Variants in MED13L observed in about 807,000 individuals in gnomAD.
MED13L encodes mediator of RNA polymerase II transcription subunit 13-like.
Under a neutral mutation model 220.9 loss-of-function variants are expected in MED13L, and 7 were observed. The ratio of observed to expected loss-of-function variants is 0.03; its 90% CI spans 0.02 to 0.06. MED13L has a LOEUF of 0.06. Among genes scored for constraint, MED13L ranks in the 10% least tolerant of loss-of-function variants. The pLI is 1.00. For synonymous variants in MED13L, 1,011 were observed against 1,015.2 expected (o/e 1.00, Z 0.08); for missense variants, 1,965 against 2,760.5 (o/e 0.71, Z 6.46).
At chr12:116,208,560 T>G (rs1882500245) in intron 2 of MED13L, among the ~76,000 whole-genome samples, 3 of 152,236 alleles carry the variant, frequency 2.0e-5, no homozygotes, top group Admixed American at 1.3e-4. Context: ...CTGAAAACCT[T>G]TCTTCAAATG....
chr12:116,205,169 A>G (rs1057070321), intron 2 of MED13L, among the ~76,000 whole-genome samples: 1 of 152,204 alleles, frequency 6.6e-6, no homozygotes, highest in Non-Finnish European at 1.5e-5. Context: ...AAAGAGAAAG[A>G]GAAGTCAGAT....
In MED13L at chr12:116,057,437, T is replaced by C. The variant is rs142042158; in HGVS notation, c.480-34836A>G. ...TAGAACTAATTAGCTGCATTATGGG[T>C]GGTTCAGTATCCATATGATATCCAC... On this transcript the variant is annotated intron_variant, in intron 4 of 30. Coordinates refer to ENST00000281928, the MANE Select transcript of MED13L (RefSeq NM_015335.5). 5.1e-3 allele frequency among the ~76,000 whole-genome samples: 771 copies of C among 152,114 alleles called. 1 individual carries two copies. The highest frequency in any genetic ancestry group is 9.1e-3 in the Non-Finnish European group (620 of 68,002).
At chr12:116,244,602 T>C (rs1565946544) in intron 1 of MED13L, among the ~76,000 whole-genome samples, 1 of 152,254 alleles carries the variant, frequency 6.6e-6, no homozygotes, top group East Asian at 1.9e-4. Context: ...ATTTTGGAAG[T>C]AGGGTTGAAA....
chr12:116,069,504 A>T (rs1298471187), intron 4 of MED13L, among the ~76,000 whole-genome samples: 2 of 152,222 alleles, frequency 1.3e-5, no homozygotes, highest in African/African-American at 2.4e-5. Flanking sequence ...TTTCTTGTAA[A>T]GACTGGTTGA....
At chr12:116,045,702 A>G (rs1468751367) in intron 4 of MED13L, among the ~76,000 whole-genome samples, 1 of 152,186 alleles carries the variant, frequency 6.6e-6, no homozygotes, top group Non-Finnish European at 1.5e-5. Flanking sequence ...CATCATAAAC[A>G]TTAGGATTAC....
intron 29 of MED13L, among the ~76,000 whole-genome samples, chr12:115,963,852 T>C (rs1446562947): frequency 6.6e-6 from 1 of 152,120 alleles, no homozygotes; most frequent in Non-Finnish European, 1.5e-5. Context: ...ATGCAACAAT[T>C]ATCAATATTC....
At chr12:116,127,805 C>G (rs1029575175) in intron 2 of MED13L, among the ~76,000 whole-genome samples, 15 of 152,186 alleles carry the variant, frequency 9.9e-5, no homozygotes, top group African/African-American at 3.6e-4. Context: ...TAAGTCACAT[C>G]GTAGCATCCT....
intron 1 of MED13L, among the ~76,000 whole-genome samples, chr12:116,268,680 G>T (rs79219287): frequency 0.021 from 3,140 of 151,472 alleles, 62 homozygotes; most frequent in Middle Eastern, 0.055. Context: ...TTTTTTAAGG[G>T]AGAAGAAAAG....
chr12:116,100,340 T>A (rs1395370682), intron 3 of MED13L, among the ~76,000 whole-genome samples: 4 of 152,058 alleles, frequency 2.6e-5, no homozygotes, highest in Non-Finnish European at 5.9e-5. Flanking sequence ...GGCTCACCCC[T>A]GTAATCCCAG....
intron 4 of MED13L, among the ~76,000 whole-genome samples, chr12:116,034,887 C>A (rs1296818979): frequency 6.6e-6 from 1 of 152,120 alleles, no homozygotes; most frequent in Non-Finnish European, 1.5e-5. Flanking sequence ...AGGCTGTAAT[C>A]CCAGATACTC....
Position 115,991,200 on chromosome 12 carries a change from G to C in MED13L, c.3754C>G (p.Gln1252Glu), listed in dbSNP as rs751424095. ...FLDYISSNNR[Q>E]TLPCVSWSYD... ...CTCCAGCTTACACAGGGAAGAGTTT[G>C]GCGATTGTTAGAGGAAATGTAGTCC... Residue 1252 changes from glutamine to glutamate, a missense_variant, in exon 17 of 31, where the codon CAA becomes GAA. Physicochemically the swap from Gln to Glu is conservative, Grantham distance 29 (BLOSUM62 2). Transcript: ENST00000281928. This position sits in a 1 kb window ranked among gnomAD's most constrained non-coding sequence, Gnocchi z 7.7. The C allele has an allele frequency of 1.2e-5, 19 of 1,614,070 alleles. No homozygotes were observed. The highest frequency in any genetic ancestry group is 1.6e-5 in the Non-Finnish European group (19 of 1,180,038).
chr12:116,201,860 C>A (rs1195512348), intron 2 of MED13L, among the ~76,000 whole-genome samples: 1 of 151,978 alleles, frequency 6.6e-6, no homozygotes, highest in Non-Finnish European at 1.5e-5. Context: ...AAAATAAGTT[C>A]TAAAAAGAAT....
intron 1 of MED13L, among the ~76,000 whole-genome samples, chr12:116,273,791 T>TTTA (rs1873590072): frequency 6.6e-6 from 1 of 152,210 alleles, no homozygotes; most frequent in Non-Finnish European, 1.5e-5. Context: ...AGAGCACATA[T>TTTA]TTAAATCTAG....
chr12:115,998,745 T>C (rs998378909), intron 14 of MED13L, among the ~76,000 whole-genome samples: 2 of 152,184 alleles, frequency 1.3e-5, no homozygotes, highest in Non-Finnish European at 2.9e-5. Flanking sequence ...GTGGAGTTAT[T>C]TGTAAAATAA....
intron 4 of MED13L, among the ~76,000 whole-genome samples, chr12:116,086,975 T>G (rs895512901): frequency 6.6e-6 from 1 of 152,166 alleles, no homozygotes; most frequent in Admixed American, 6.5e-5. Flanking sequence ...GTATACGATA[T>G]GACATTTCTT....
At chr12:116,087,260 C>A (rs2137769527) in intron 4 of MED13L, among the ~76,000 whole-genome samples, 1 of 152,106 alleles carries the variant, frequency 6.6e-6, no homozygotes, top group African/African-American at 2.4e-5. Flanking sequence ...CCATAAAATT[C>A]ATCACAAAAA....
chr12:115,982,574 G>A lies in MED13L; in HGVS notation c.4985C>T (p.Pro1662Leu). Residue 1662 changes from proline to leucine, a missense_variant, in exon 22 of 31, where the codon CCC becomes CTC. Coordinates refer to ENST00000281928, the MANE Select transcript of MED13L (RefSeq NM_015335.5). ...SVTERERIGI[P>L]TEPDSADSHA... ...GCTGTCTGCAGAGTCAGGCTCCGTGGGAATTCCTATTCTCTCCCTTTCTGT... is the reference window on the plus strand; with the variant it reads ...GCTGTCTGCAGAGTCAGGCTCCGTGAGAATTCCTATTCTCTCCCTTTCTGT... 6.2e-7 allele frequency: 1 copy of A among 1,614,026 alleles called. No individual in the cohort carries two copies. The highest frequency in any genetic ancestry group is 2.2e-5 in the East Asian group (1 of 44,864).
At chr12:116,276,370 TAG>T (rs1201852145) in intron 1 of MED13L, 38 of 1,016,666 alleles carry the variant, frequency 3.7e-5, no homozygotes, top group Non-Finnish European at 4.6e-5. Flanking sequence ...GTTGTTAGGA[TAG>T]AGAAAAACAG....
In MED13L at chr12:116,003,197, C is replaced by G. The variant is rs1398466627; in HGVS notation, c.2470-95G>C. 3.7e-6 allele frequency: 4 copies of G among 1,068,632 alleles called. No homozygotes were observed. In the African/African-American group the frequency reaches 4.7e-5, roughly 12 times the overall value. 66.2% of individuals were successfully genotyped at this position (1,068,632 alleles called of 1,614,324 possible). A position where few individuals can be genotyped will look rare whatever the true frequency, so the allele number is the denominator to read the frequency against. On this transcript the variant is annotated intron_variant, in intron 13 of 30. Coordinates refer to ENST00000281928, the MANE Select transcript of MED13L (RefSeq NM_015335.5). The stretch of plus-strand genomic sequence containing the variant: ...AATGTATGCCTATTGGTAGATGCCT[C>G]TTGGTAGAAGCGTTTACCAGGTGAA...
Sources: allele counts gnomAD v4.1 joint callset (sites outside exome capture counted in the v4.1 genomes callset), GRCh38; gene constraint gnomAD v4.1.1; non-coding constraint Gnocchi (gnomAD v3.1); transcripts MANE v1.5; gene names NCBI Gene and HGNC (gene_info 2026-07-23, HGNC 2026-07-21).